The following KANK1 variants were observed in gnomAD, a reference collection of about 807,000 sequenced individuals.
KANK1 encodes KN motif and ankyrin repeat domain-containing protein 1.
A neutral mutation model predicts 106.2 loss-of-function variants in KANK1; 109 were observed. That is an observed-to-expected ratio of 1.03 (90% CI 0.88 to 1.20). The LOEUF (loss-of-function observed/expected upper bound fraction) is 1.20, where lower values mean the gene tolerates loss of function less well. KANK1 is among the 50% of genes most tolerant of loss of function. The pLI is 0.00. For synonymous variants in KANK1, 873 were observed against 652.2 expected, an observed-to-expected ratio of 1.34 and a Z score of -5.16; for missense variants, 2,399 against 1,710.7, an observed-to-expected ratio of 1.40 and a Z score of -7.10.
At chr9:490,852 A>C (rs1260976088) in intron 3 of KANK1, among the ~76,000 whole-genome samples, 2 of 152,190 alleles carry the variant, frequency 1.3e-5, no homozygotes, top group Non-Finnish European at 2.9e-5. Flanking sequence ...ACACAGGAAA[A>C]CAAATATAAA....
At chr9:481,912 T>G (rs959649713) in intron 3 of KANK1, among the ~76,000 whole-genome samples, 1 of 151,954 alleles carries the variant, frequency 6.6e-6, no homozygotes, top group Non-Finnish European at 1.5e-5. Flanking sequence ...AGTTGTTAGA[T>G]AGTAATAGGA....
At chr9:598,711 A>G (rs1294766360) in intron 1 of KANK1, among the ~76,000 whole-genome samples, 2 of 113,774 alleles carry the variant, frequency 1.8e-5, no homozygotes, top group African/African-American at 7.9e-5. Flanking sequence ...GCTCACTGCA[A>G]CCTCCTCCTC....
intron 1 of KANK1, among the ~76,000 whole-genome samples, chr9:565,878 T>G (rs1817678156): frequency 6.6e-6 from 1 of 152,188 alleles, no homozygotes; most frequent in Admixed American, 6.5e-5. Flanking sequence ...AACTTTTATT[T>G]TAGGTTCAGG....
intron 11 of KANK1, 95 bp from the exon 12 acceptor site, chr9:745,078 G>C: frequency 1.3e-6 from 2 of 1,548,268 alleles, no homozygotes; most frequent in Middle Eastern, 1.7e-4. Context: ...ACAGCTGCTT[G>C]TTGCCTGTGG....
At chr9:741,229 C>T (rs972428155) in intron 9 of KANK1, among the ~76,000 whole-genome samples, 1 of 145,978 alleles carries the variant, frequency 6.9e-6, no homozygotes, top group African/African-American at 2.5e-5. Flanking sequence ...GATTGCGCAT[C>T]CCCATCAGAT....
At chr9:701,304 G>C (rs1300599386) in intron 2 of KANK1, among the ~76,000 whole-genome samples, 1 of 152,118 alleles carries the variant, frequency 6.6e-6, no homozygotes, top group African/African-American at 2.4e-5. Flanking sequence ...GTAGAGGTGG[G>C]GTTTCTCCAT....
At chr9:490,954 G>A (rs1027462852) in intron 3 of KANK1, among the ~76,000 whole-genome samples, 2 of 141,252 alleles carry the variant, frequency 1.4e-5, no homozygotes, top group Non-Finnish European at 3.0e-5. Flanking sequence ...AAGGGCTAAA[G>A]TGGCTTTTTT....
chr9:476,443 C>T (rs1391859034), intron 3 of KANK1, among the ~76,000 whole-genome samples: 1 of 151,708 alleles, frequency 6.6e-6, no homozygotes, highest in Non-Finnish European at 1.5e-5. Flanking sequence ...ATCGCTTGAA[C>T]CCGGGAGGCA....
Position 710,888 on chromosome 9 carries a change from T to G in KANK1, c.122T>G (p.Leu41Arg). ...GTGGAGACCCCCTATGGTTATCAAC[T>G]AGACTTAGATTTCCTCAAATATGTG... ...YFVETPYGYQ[L>R]DLDFLKYVDD... Residue 41 changes from leucine (L) to arginine (R), a missense_variant, in exon 3 of 12, where the codon CTA (leucine) becomes CGA (arginine). Physicochemically the swap from Leu to Arg is moderately radical, Grantham distance 102. Transcript: ENST00000382297. 1.2e-6 allele frequency: 2 copies of G among 1,614,114 alleles called. No individual in the cohort carries two copies. Among genetic ancestry groups the G allele is most frequent in the Non-Finnish European group, 1.7e-6 (2 of 1,179,996 alleles).
intron 1 of KANK1, among the ~76,000 whole-genome samples, chr9:643,114 T>A (rs1838850920): frequency 6.6e-6 from 1 of 150,846 alleles, no homozygotes; most frequent in Non-Finnish European, 1.5e-5. Context: ...AAGATCTTAT[T>A]CTTTAAAGCA....
chr9:582,156 T>A (rs1224786865), intron 1 of KANK1, among the ~76,000 whole-genome samples: 1 of 152,310 alleles, frequency 6.6e-6, no homozygotes, highest in East Asian at 1.9e-4. Context: ...CAGTCTCCTG[T>A]GGCCAGTTCC....
In KANK1 at chr9:711,056, G is replaced by C. The variant is rs375587833; in HGVS notation, c.290G>C (p.Ser97Thr). The C allele has an allele frequency of 7.4e-6, 12 of 1,614,058 alleles. No individual in the cohort carries two copies. Among genetic ancestry groups the C allele is most frequent in the Middle Eastern group, 1.6e-4 (1 of 6,084 alleles). The change falls in exon 3 of 12, where the codon AGT becomes ACT. Residue 97 changes from serine to threonine, a missense_variant. Coordinates refer to ENST00000382297, the MANE Select transcript of KANK1 (RefSeq NM_015158.5). Reference sequence around the variant, plus strand: ...ACTGAATCCCTCTCATCCTCCAACAGTGATGACAACAAGCAGTGCCCCAAC... The same window carrying C: ...ACTGAATCCCTCTCATCCTCCAACACTGATGACAACAAGCAGTGCCCCAAC... ...TSTESLSSSN[S>T]DDNKQCPNFL...
intron 2 of KANK1, chr9:686,699 G>A: frequency 3.2e-6 from 3 of 935,584 alleles, no homozygotes; most frequent in Non-Finnish European, 3.8e-6. Flanking sequence ...AGTGTGAGGG[G>A]AAATGGCAGC....
At chr9:471,847 G>A (rs187339616) in intron 2 of KANK1, among the ~76,000 whole-genome samples, 3 of 152,256 alleles carry the variant, frequency 2.0e-5, no homozygotes, top group Admixed American at 6.5e-5. Context: ...TGAGTTAAGC[G>A]TTCTCCTGTA....
At chr9:557,337 A>C (rs1391361169) in intron 1 of KANK1, among the ~76,000 whole-genome samples, 1 of 152,226 alleles carries the variant, frequency 6.6e-6, no homozygotes, top group African/African-American at 2.4e-5. Context: ...GGCTGGCAAA[A>C]TATGTATCAT....
intron 1 of KANK1, among the ~76,000 whole-genome samples, chr9:621,047 A>G (rs1833030160): frequency 1.3e-5 from 2 of 152,164 alleles, no homozygotes; most frequent in South Asian, 4.1e-4. Context: ...TAAATTGCCA[A>G]AACGCTTTCA....
At chr9:591,228 G>T (rs1824794355) in intron 1 of KANK1, among the ~76,000 whole-genome samples, 1 of 151,370 alleles carries the variant, frequency 6.6e-6, no homozygotes, top group Non-Finnish European at 1.5e-5. Flanking sequence ...TAATTTCTTT[G>T]AATTTTTATA....
chr9:505,762 A>C lies in KANK1; in HGVS notation c.-84+1008A>C, dbSNP rs188588519. Among the ~76,000 whole-genome samples, 618 of 152,204 alleles carry C rather than the reference A, an allele frequency of 4.1e-3. 3 individuals carry two copies. The highest frequency in any genetic ancestry group is 0.019 in the South Asian group (93 of 4,812). ...CTTATTAAATAGTGGATTCTATTAG[A>C]CCCTGATACCCGAGGCTAATAAGGA... On this transcript the variant is annotated intron_variant, in intron 1 of 11. Coordinates refer to ENST00000382297, the MANE Select transcript of KANK1 (RefSeq NM_015158.5).
At chr9:516,738 G>C (rs1470458261) in intron 1 of KANK1, among the ~76,000 whole-genome samples, 1 of 151,632 alleles carries the variant, frequency 6.6e-6, no homozygotes, top group Non-Finnish European at 1.5e-5. Flanking sequence ...AAAAATACTT[G>C]TTGAATGAAT....
Sources: allele counts gnomAD v4.1 joint callset (sites outside exome capture counted in the v4.1 genomes callset), GRCh38; gene constraint gnomAD v4.1.1; transcripts MANE v1.5; gene names NCBI Gene and HGNC (gene_info 2026-07-23, HGNC 2026-07-21).